The following ANKRD28 variants were observed in gnomAD, a reference collection of about 807,000 sequenced individuals.
ANKRD28 encodes ankyrin repeat domain 28, also known as serine/threonine-protein phosphatase 6 regulatory ankyrin repeat subunit A.
Under a neutral mutation model 126.5 loss-of-function variants are expected in ANKRD28, and 44 were observed. The ratio of observed to expected loss-of-function variants is 0.35; its 90% CI spans 0.27 to 0.45. ANKRD28 has a LOEUF of 0.45. Among genes scored for constraint, ANKRD28 ranks in the 20% least tolerant of loss-of-function variants. ANKRD28 has a pLI of 1.00. For synonymous variants in ANKRD28, 442 were observed against 468.5 expected (o/e 0.94, Z 0.73); for missense variants, 1,110 against 1,316.6 (o/e 0.84, Z 2.43).
chr3:15,780,001 T>C lies in ANKRD28; in HGVS notation c.202-13689A>G, dbSNP rs182674264. Among the ~76,000 whole-genome samples, 49 of 152,242 alleles carry C rather than the reference T, an allele frequency of 3.2e-4. No homozygotes were observed. In the East Asian group the frequency reaches 9.3e-3, roughly 29 times the overall value. On this transcript the variant is annotated intron_variant, in intron 2 of 27. Coordinates refer to ENST00000683139, the MANE Select transcript of ANKRD28 (RefSeq NM_001349278.2). ...TTAACGTACAAAGTTGAAAGCTTTC[T>C]TCTAAGACGAGGGACAAGAATGCTG...
chr3:15,760,711 T>C (rs1656678341), intron 3 of ANKRD28, among the ~76,000 whole-genome samples: 2 of 152,284 alleles, frequency 1.3e-5, no homozygotes, highest in Admixed American at 1.3e-4. Flanking sequence ...CTATGAGAGC[T>C]AGCTGAGTTT....
chr3:15,737,018 T>C lies in ANKRD28; in HGVS notation c.552+15A>G, dbSNP rs2075065203. 1.2e-6 allele frequency: 2 copies of C among 1,613,374 alleles called. No individual in the cohort carries two copies. The highest frequency in any genetic ancestry group is 1.7e-6 in the Non-Finnish European group (2 of 1,179,608). On this transcript the variant is annotated intron_variant, in intron 5 of 27. Coordinates refer to ENST00000683139, the MANE Select transcript of ANKRD28 (RefSeq NM_001349278.2). ...GGAGGAGAGAAAAATAATGGTCTAA[T>C]TGAATGCCACCTACCTCACCATGTC...
chr3:15,805,859 C>A (rs956831755), intron 1 of ANKRD28, among the ~76,000 whole-genome samples: 4 of 152,064 alleles, frequency 2.6e-5, no homozygotes, highest in Non-Finnish European at 4.4e-5. Context: ...CCCGAAAGTA[C>A]AGTAAGATCA....
At chr3:15,796,162 T>A (rs1032665869) in intron 1 of ANKRD28, among the ~76,000 whole-genome samples, 23 of 152,170 alleles carry the variant, frequency 1.5e-4, no homozygotes, top group African/African-American at 5.5e-4. Context: ...TCTCAAATTA[T>A]TTTTAAACAG....
chr3:15,777,709 C>T lies in ANKRD28; in HGVS notation c.202-11397G>A, dbSNP rs1006258887. On this transcript the variant is annotated intron_variant, in intron 2 of 27. Coordinates refer to ENST00000683139, the MANE Select transcript of ANKRD28 (RefSeq NM_001349278.2). ...GGGCGAAACAAAACACATGTGTACC[C>T]GAAATATGGAGAATGGTAGTATTCT... Among the ~76,000 whole-genome samples, 13 of 152,064 alleles carry T rather than the reference C, an allele frequency of 8.5e-5. No individual in the cohort carries two copies. In the East Asian group the frequency reaches 1.5e-3, roughly 18 times the overall value.
intron 1 of ANKRD28, among the ~76,000 whole-genome samples, chr3:15,849,234 C>A (rs2061587557): frequency 6.6e-6 from 1 of 152,160 alleles, no homozygotes; most frequent in Non-Finnish European, 1.5e-5. Context: ...CCAAATTGAT[C>A]TATTGATTCA....
At chr3:15,714,709 C>T in intron 8 of ANKRD28, 53 bp from the exon 9 acceptor site, 1 of 1,284,724 alleles carries the variant, frequency 7.8e-7, no homozygotes, top group Non-Finnish European at 1.1e-6. Flanking sequence ...AATGTGTAAA[C>T]CTTAGTTTTA....
rs987726486 is a variant in ANKRD28 at position 15,668,517 on chromosome 3, GA to G, written c.*1752del. 20 of 152,230 alleles carry G rather than the reference GA, an allele frequency of 1.3e-4. No homozygotes were observed. The highest frequency in any genetic ancestry group is 4.8e-4 in the African/African-American group (20 of 41,340). 9.4% of individuals were successfully genotyped at this position (152,230 alleles called of 1,614,324 possible). ...ATTTATAATTTCTGTAAATATTTTA[GA>G]AAAAATGCTTAAAATCTAGTAGTCA... On this transcript the variant is annotated 3_prime_UTR_variant, in exon 28 of 28. Coordinates refer to ENST00000683139, the MANE Select transcript of ANKRD28 (RefSeq NM_001349278.2).
At chr3:15,712,471 C>A (rs2072438711) in intron 10 of ANKRD28, among the ~76,000 whole-genome samples, 1 of 152,172 alleles carries the variant, frequency 6.6e-6, no homozygotes, top group Non-Finnish European at 1.5e-5. Context: ...ACGTGAGAAG[C>A]CATTCTGTGC....
In ANKRD28 at chr3:15,714,661, G is replaced by C. The variant is rs185743315; in HGVS notation, c.997-5C>G. 2.2e-5 allele frequency: 34 copies of C among 1,576,954 alleles called. No homozygotes were observed. Among genetic ancestry groups the C allele is most frequent in the Admixed American group, 8.0e-5 (4 of 49,820 alleles). The stretch of plus-strand genomic sequence containing the variant: ...TGGGGTTTTCCCATCTTTACTCTGG[G>C]GGGGGAAGAAAAAAATTACTCACTC... On this transcript the variant is annotated splice_region_variant and splice_polypyrimidine_tract_variant and intron_variant, in intron 8 of 27. Coordinates refer to ENST00000683139, the MANE Select transcript of ANKRD28 (RefSeq NM_001349278.2).
chr3:15,694,822 G>A lies in ANKRD28; in HGVS notation c.1687-9C>T. 6.2e-7 allele frequency: 1 copy of A among 1,612,518 alleles called. No individual in the cohort carries two copies. Among genetic ancestry groups the A allele is most frequent in the Non-Finnish European group, 8.5e-7 (1 of 1,178,726 alleles). On this transcript the variant is annotated splice_polypyrimidine_tract_variant and intron_variant, in intron 16 of 27. Transcript: ENST00000683139. ...CCTGAGGTTTCCATTAACTGAAAAA[G>A]AAGAGGCATTTTAAATGTCAGAAAG...
intron 4 of ANKRD28, among the ~76,000 whole-genome samples, chr3:15,747,187 A>G (rs1392524353): frequency 6.8e-6 from 1 of 147,638 alleles, no homozygotes; most frequent in Admixed American, 6.7e-5. Flanking sequence ...TTTGGTTTCA[A>G]TTTCATTTAG....
intron 8 of ANKRD28, among the ~76,000 whole-genome samples, chr3:15,718,586 T>G (rs1351621297): frequency 6.6e-6 from 1 of 151,900 alleles, no homozygotes; most frequent in Non-Finnish European, 1.5e-5. Context: ...ATCAAGTGAT[T>G]CATTATCATC....
chr3:15,693,327 CAG>C (rs59750718), intron 17 of ANKRD28, among the ~76,000 whole-genome samples: 1,548 of 146,846 alleles, frequency 0.011, no homozygotes, highest in Middle Eastern at 0.01. Context: ...AATGGGGGGG[CAG>C]AGAGAGAGAG....
At position 15,845,309 on chromosome 3, in the gene ANKRD28, A is replaced by AGT. The variant is rs997523579; in HGVS notation, c.27+14066_27+14067dup. Among the ~76,000 whole-genome samples, 4 of 20,800 alleles carry AGT rather than the reference A, an allele frequency of 1.9e-4. No individual in the cohort carries two copies. Among genetic ancestry groups the AGT allele is most frequent in the East Asian group, 7.1e-3 (2 of 282 alleles). The allele number at this position is 20,800 out of a possible 152,430, so 13.6% of individuals were successfully genotyped here. A position where few individuals can be genotyped will look rare whatever the true frequency, so the allele number is the denominator to read the frequency against. ...ACACAATCTTCCAGAACATTTCTAAAGTATATATATATATATATTCCATAT... is the reference window on the plus strand; with the variant it reads ...ACACAATCTTCCAGAACATTTCTAAAGTGTATATATATATATATATTCCATAT... On this transcript the variant is annotated intron_variant, in intron 1 of 27. Transcript: ENST00000399451. This position sits in a 1 kb window ranked among gnomAD's most constrained non-coding sequence, Gnocchi z 4.9.
chr3:15,711,172 C>T, intron 12 of ANKRD28, 39 bp downstream of exon 12: 2 of 1,514,872 alleles, frequency 1.3e-6, no homozygotes, highest in Non-Finnish European at 1.8e-6. Flanking sequence ...CCATGACCAG[C>T]TATCTTTTCT....
rs141570267 is a variant in ANKRD28, at chr3:15,854,207, C to A, written c.27+5170G>T. On this transcript the variant is annotated intron_variant, in intron 1 of 27. Transcript: ENST00000399451. This position sits in a 1 kb window ranked among gnomAD's most constrained non-coding sequence, Gnocchi z 4.1. ...ACGTCCCATCACTTACCAATGAAGT[C>A]CAAACTTCTCAGCCTGGGATTCAAA... Among the ~76,000 whole-genome samples, 610 of 152,334 alleles carry A rather than the reference C, an allele frequency of 4.0e-3. 1 individual carries two copies. The highest frequency in any genetic ancestry group is 0.023 in the East Asian group (118 of 5,192).
intron 1 of ANKRD28, among the ~76,000 whole-genome samples, chr3:15,836,149 A>G (rs896139811): frequency 6.6e-6 from 1 of 152,130 alleles, no homozygotes; most frequent in Non-Finnish European, 1.5e-5. Flanking sequence ...ATACATTAAT[A>G]TAAAAGACTA....
chr3:15,746,526 T>A (rs1186023165), intron 4 of ANKRD28, among the ~76,000 whole-genome samples: 1 of 152,240 alleles, frequency 6.6e-6, no homozygotes, highest in African/African-American at 2.4e-5. Flanking sequence ...GACTTAGGTA[T>A]GTTAATAACA....
Sources: allele counts gnomAD v4.1 joint callset (sites outside exome capture counted in the v4.1 genomes callset), GRCh38; gene constraint gnomAD v4.1.1; non-coding constraint Gnocchi (gnomAD v3.1); transcripts MANE v1.5; gene names NCBI Gene and HGNC (gene_info 2026-07-23, HGNC 2026-07-21).